TMEM43: variants seen among roughly 807,000 people sequenced by gnomAD.
TMEM43 encodes transmembrane protein 43.
A neutral mutation model predicts 49.6 loss-of-function variants in TMEM43; 45 were observed. The ratio of observed to expected loss-of-function variants is 0.91; its 90% CI spans 0.71 to 1.16. TMEM43 has a LOEUF of 1.16. TMEM43 is among the 50% of genes most tolerant of loss of function. TMEM43 has a pLI of 0.00. For missense variants in TMEM43, 532 were observed against 516.6 expected, an observed-to-expected ratio of 1.03 and a Z score of -0.29; for synonymous variants, 199 against 207.8, an observed-to-expected ratio of 0.96 and a Z score of 0.36.
chr3:14,137,092 CTAT>C (rs1289286525), intron 10 of TMEM43: 2 of 136,884 alleles, frequency 1.5e-5, no homozygotes, highest in South Asian at 2.2e-4. Context: ...CCTTTTGTTC[CTAT>C]TATTAGATCC....
Position 14,131,684 on chromosome 3 carries a change from TG to T in TMEM43, c.392+14del. The T allele has an allele frequency of 6.2e-7, 1 of 1,607,898 alleles. No individual in the cohort carries two copies. The highest frequency in any genetic ancestry group is 8.5e-7 in the Non-Finnish European group (1 of 1,174,588). ...AAACTGAGGAGTCCAGGTGAGCTGT[TG>T]GGGTGAAAACTCTGTTGGGGTAAAG... is the stretch of plus-strand genomic sequence containing the variant. On this transcript the variant is annotated intron_variant, in intron 4 of 11. Transcript: ENST00000306077.
chr3:14,135,323 C>A, intron 9 of TMEM43, 91 bp downstream of exon 9: 8 of 1,077,112 alleles, frequency 7.4e-6, no homozygotes, highest in African/African-American at 1.6e-5. Context: ...AGCGCTTGGA[C>A]CCCCTTTTCC....
At chr3:14,126,021 C>T (rs1281815488) in intron 1 of TMEM43, among the ~76,000 whole-genome samples, 2 of 152,180 alleles carry the variant, frequency 1.3e-5, no homozygotes, top group Non-Finnish European at 2.9e-5. Context: ...CAGCCCCAGA[C>T]ACACCCTCCC....
rs375273310 is a variant in TMEM43, at chr3:14,133,698, C to T, written c.513-41C>T. The T allele has an allele frequency of 2.5e-5, 40 of 1,600,374 alleles. No individual in the cohort carries two copies. The African/African-American group carries it at 5.1e-4, about 20-fold the overall frequency. Reference sequence around the variant, plus strand: ...AACCCAAAGGGACCCGGGCAGCTCCCACACCGGTGCCCATCTCTGACAGCT... The same window carrying T: ...AACCCAAAGGGACCCGGGCAGCTCCTACACCGGTGCCCATCTCTGACAGCT... On this transcript the variant is annotated intron_variant, in intron 6 of 11. Transcript: ENST00000306077.
intron 5 of TMEM43, 127 bp downstream of exon 5, chr3:14,132,722 G>C: frequency 7.2e-7 from 1 of 1,383,108 alleles, no homozygotes; most frequent in Non-Finnish European, 1.0e-6. Context: ...CTGGGTGCAA[G>C]TCTTCAGAGC....
rs1298775346 is a variant in TMEM43, at chr3:14,142,660, G to C, written c.*865G>C. On this transcript the variant is annotated 3_prime_UTR_variant, in exon 12 of 12. Coordinates refer to ENST00000306077, the MANE Select transcript of TMEM43 (RefSeq NM_024334.3). ...ACTGAAAGGTGTTAAATTGGGGTAT[G>C]TGGTTTGATTGATAAAAAGTTACCT... The C allele has an allele frequency of 1.3e-5, 2 of 152,664 alleles. No homozygotes were observed. The highest frequency in any genetic ancestry group is 2.4e-5 in the African/African-American group (1 of 41,436). 9.5% of individuals were successfully genotyped at this position (152,664 alleles called of 1,614,324 possible). A position where few individuals can be genotyped will look rare whatever the true frequency, so the allele number is the denominator to read the frequency against.
At chr3:14,128,429 C>T (rs1054348487) in intron 1 of TMEM43, among the ~76,000 whole-genome samples, 1 of 152,188 alleles carries the variant, frequency 6.6e-6, no homozygotes, top group African/African-American at 2.4e-5. Flanking sequence ...TGATACGGTT[C>T]TCCCTTTAGG....
Position 14,130,727 on chromosome 3 carries a change from C to T in TMEM43, c.163-95C>T, listed in dbSNP as rs571794244. 3 of 1,493,438 alleles carry T rather than the reference C, an allele frequency of 2.0e-6. No homozygotes were observed. The South Asian group carries it at 4.0e-5, about 20-fold the overall frequency. The allele number at this position is 1,493,438 out of a possible 1,614,324, so 92.5% of individuals were successfully genotyped here. On this transcript the variant is annotated intron_variant, in intron 2 of 11. Transcript: ENST00000306077. ...GGTGGGGAGATGGGTCTCAGCGCTC[C>T]CGGAGGCCCCATCCTACCCTAATAC...
intron 10 of TMEM43, among the ~76,000 whole-genome samples, chr3:14,136,283 G>C (rs1413770895): frequency 6.6e-6 from 1 of 152,226 alleles, no homozygotes; most frequent in African/African-American, 2.4e-5. Context: ...TTGGCATTCA[G>C]AAAGTTTTGG....
At chr3:14,125,515 C>T (rs969300671) in intron 1 of TMEM43, among the ~76,000 whole-genome samples, 1 of 152,196 alleles carries the variant, frequency 6.6e-6, no homozygotes, top group Non-Finnish European at 1.5e-5. Flanking sequence ...TCCTTGCATT[C>T]CCAGTTCCCT....
At position 14,125,160 on chromosome 3, in the gene TMEM43, A is replaced by G. The variant is rs1169698552; in HGVS notation, c.-34A>G. ...TCGTCAGCCCACTTCCTAGCTGAAC[A>G]GCGCGAGGCGGCGGCAGCGAGCCGG... On this transcript the variant is annotated 5_prime_UTR_variant, in exon 1 of 12. Transcript: ENST00000306077. 2 of 1,609,096 alleles carry G rather than the reference A, an allele frequency of 1.2e-6. No homozygotes were observed. Among genetic ancestry groups the G allele is most frequent in the Admixed American group, 3.3e-5 (2 of 59,796 alleles).
chr3:14,130,109 CCT>C, intron 2 of TMEM43, among the ~76,000 whole-genome samples: 2 of 149,208 alleles, frequency 1.3e-5, no homozygotes, highest in South Asian at 4.4e-4. Context: ...TCTTTCTCTC[CCT>C]CTCTCTTTCT....
chr3:14,138,614 C>T (rs981013959), intron 10 of TMEM43, among the ~76,000 whole-genome samples: 5 of 152,080 alleles, frequency 3.3e-5, no homozygotes, highest in East Asian at 1.9e-4. Context: ...CTGTGAGGCC[C>T]GGGAGAGGGC....
At position 14,133,764 on chromosome 3, in the gene TMEM43, G is replaced by T; in HGVS notation, c.538G>T (p.Ala180Ser). The T allele has an allele frequency of 6.2e-7, 1 of 1,614,204 alleles. No individual in the cohort carries two copies. Among genetic ancestry groups the T allele is most frequent in the Non-Finnish European group, 8.5e-7 (1 of 1,180,016 alleles). The stretch of plus-strand genomic sequence containing the variant: ...TGCCATGGCAGTGGAGTCATTCATG[G>T]CAACAGCCCCCTTTGTCCAAATTGG... ...PSAMAVESFM[A>S]TAPFVQIGRF... The change falls in exon 7 of 12, where the codon GCA (alanine) becomes TCA (serine). Residue 180 changes from alanine to serine, a missense_variant. By Grantham distance (99) the Ala-to-Ser change is moderately conservative. Transcript: ENST00000306077.
intron 6 of TMEM43, among the ~76,000 whole-genome samples, chr3:14,133,460 A>G (rs903212243): frequency 6.6e-6 from 1 of 152,108 alleles, no homozygotes; most frequent in African/African-American, 2.4e-5. Context: ...TCCATGCAAG[A>G]TACATCTGAC....
In TMEM43 at chr3:14,143,284, T is replaced by C. The variant is rs1403950062; in HGVS notation, c.*1489T>C. ...TGGTAGCTGAATAAGGGGTCAGAAC[T>C]TCTGAAACCAGAGATCTGTAATCAT... On this transcript the variant is annotated 3_prime_UTR_variant, in exon 12 of 12. Transcript: ENST00000306077. 1 of 152,246 alleles carries C rather than the reference T, an allele frequency of 6.6e-6. No individual in the cohort carries two copies. The highest frequency in any genetic ancestry group is 1.5e-5 in the Non-Finnish European group (1 of 68,050). 9.4% of individuals were successfully genotyped at this position (152,246 alleles called of 1,614,324 possible).
Position 14,125,139 on chromosome 3 carries a change from C to G in TMEM43, c.-55C>G. ...CCGCTGGACACCACGCTCCAGTCGTCAGCCCACTTCCTAGCTGAACAGCGC... is the reference window on the plus strand; with the variant it reads ...CCGCTGGACACCACGCTCCAGTCGTGAGCCCACTTCCTAGCTGAACAGCGC... On this transcript the variant is annotated 5_prime_UTR_variant, in exon 1 of 12. Transcript: ENST00000306077. The G allele has an allele frequency of 2.5e-6, 4 of 1,605,858 alleles. No homozygotes were observed. The highest frequency in any genetic ancestry group is 3.4e-5 in the Admixed American group (2 of 59,522).
rs367910936 is a variant in TMEM43 at position 14,135,170 on chromosome 3, C to G, written c.718C>G (p.Arg240Gly). The G allele has an allele frequency of 1.9e-5, 30 of 1,612,444 alleles. No individual in the cohort carries two copies. The highest frequency in any genetic ancestry group is 2.3e-5 in the Non-Finnish European group (27 of 1,179,970). ...NPKYPEVGDL[R>G]VSFSYAGLSG... ...CTTCCACCCCCAGGTGGGAGACTTG[C>G]GTGTCTCCTTTTCCTATGCTGGACT... The change falls in exon 9 of 12, where the codon CGT becomes GGT. Residue 240 changes from arginine (R) to glycine (G), a missense_variant. Transcript: ENST00000306077.
intron 1 of TMEM43, among the ~76,000 whole-genome samples, chr3:14,125,667 G>A (rs915892102): frequency 6.6e-6 from 1 of 152,168 alleles, no homozygotes; most frequent in Non-Finnish European, 1.5e-5. Flanking sequence ...TGTCCAGGCG[G>A]GCAGAGAGCT....
Sources: allele counts gnomAD v4.1 joint callset (sites outside exome capture counted in the v4.1 genomes callset), GRCh38; gene constraint gnomAD v4.1.1; transcripts MANE v1.5; gene names NCBI Gene and HGNC (gene_info 2026-07-23, HGNC 2026-07-21).